PPP2R2C: variants seen among roughly 807,000 people sequenced by gnomAD.
The protein encoded by PPP2R2C is protein phosphatase 2 regulatory subunit Bgamma.
PPP2R2C carries 10 observed loss-of-function variants against 45.3 expected under a neutral mutation model. That is an observed-to-expected ratio of 0.22 (90% CI 0.14 to 0.37). PPP2R2C has a LOEUF of 0.37. Among genes scored for constraint, PPP2R2C ranks in the 10% least tolerant of loss-of-function variants. The pLI, the probability that PPP2R2C is intolerant of heterozygous loss-of-function variation, is 1.00. For synonymous variants in PPP2R2C, 257 were observed against 245.4 expected (o/e 1.05, Z -0.44); for missense variants, 308 against 619.7 (o/e 0.50, Z 5.34).
chr4:6,452,128 G>A (rs922258200), intron 1 of PPP2R2C, among the ~76,000 whole-genome samples: 24 of 152,120 alleles, frequency 1.6e-4, no homozygotes, highest in African/African-American at 5.8e-4. Context: ...TGGGGTCCCA[G>A]CCCCAAGAGC....
chr4:6,356,997 T>C (rs1166633717), intron 5 of PPP2R2C, among the ~76,000 whole-genome samples: 1 of 151,268 alleles, frequency 6.6e-6, no homozygotes. Flanking sequence ...CTCTGTGTCT[T>C]CTGAGGCTCA....
At chr4:6,348,519 C>G (rs1277777810) in intron 5 of PPP2R2C, 1 of 479,286 alleles carries the variant, frequency 2.1e-6, no homozygotes, top group Non-Finnish European at 2.7e-6. Flanking sequence ...CCTTCCTGCC[C>G]CCGGCACCTG....
At chr4:6,444,286 G>A (rs1449702810) in intron 1 of PPP2R2C, among the ~76,000 whole-genome samples, 2 of 152,200 alleles carry the variant, frequency 1.3e-5, no homozygotes, top group African/African-American at 4.8e-5. Flanking sequence ...CGGAGATCAG[G>A]GAGGCCTGGG....
intron 1 of PPP2R2C, 104 bp downstream of exon 1, chr4:6,472,056 G>A: frequency 7.4e-7 from 1 of 1,359,684 alleles, no homozygotes; most frequent in East Asian, 2.6e-5. Context: ...GGGGCGGGGG[G>A]ACACGACACA....
At chr4:6,372,412 A>G (rs980598188) in intron 5 of PPP2R2C, 111 bp downstream of exon 5, 1 of 1,202,550 alleles carries the variant, frequency 8.3e-7, no homozygotes, top group East Asian at 2.4e-5. Flanking sequence ...TGAAGAAGTT[A>G]AACAATGCAG....
intron 1 of PPP2R2C, among the ~76,000 whole-genome samples, chr4:6,453,187 G>A (rs1254830707): frequency 2.0e-5 from 3 of 152,128 alleles, no homozygotes; most frequent in Non-Finnish European, 4.4e-5. Flanking sequence ...GGATATTCTT[G>A]TCTCTGGCTT....
intron 2 of PPP2R2C, among the ~76,000 whole-genome samples, chr4:6,485,808 C>T (rs1236161516): frequency 6.6e-6 from 1 of 151,884 alleles, no homozygotes; most frequent in Admixed American, 6.6e-5. Flanking sequence ...TGATAAAAAT[C>T]TTAGATAACT....
chr4:6,505,357 G>A (rs1421457766), intron 2 of PPP2R2C, among the ~76,000 whole-genome samples: 1 of 152,186 alleles, frequency 6.6e-6, no homozygotes, highest in Non-Finnish European at 1.5e-5. Context: ...AAGAACACTG[G>A]AAATGGTAAA....
intron 1 of PPP2R2C, among the ~76,000 whole-genome samples, chr4:6,454,782 C>T (rs1577195666): frequency 2.6e-5 from 4 of 152,306 alleles, no homozygotes; most frequent in East Asian, 1.9e-4. Context: ...TGAGGCTCAG[C>T]GTCCTGATGT....
In PPP2R2C at chr4:6,381,054, C is replaced by G. The variant is rs761226047; in HGVS notation, c.111G>C (p.Glu37Asp). 3.1e-6 allele frequency: 5 copies of G among 1,587,976 alleles called. No individual in the cohort carries two copies. In the South Asian group the frequency reaches 5.8e-5, roughly 18 times the overall value. ...ISTVEFNHTG[E>D]LLATGDKGGR... is the part of the protein sequence containing the mutation. The stretch of plus-strand genomic sequence containing the variant: ...CGCCCTTGTCACCTGTGGCCAGCAG[C>G]TCTCCCGTGTGGTTGAACTCAACGG... The change falls in exon 2 of 9, where the codon GAG becomes GAC. Residue 37 changes from glutamate (E) to aspartate (D), a missense_variant. Coordinates refer to ENST00000382599, the MANE Select transcript of PPP2R2C (RefSeq NM_020416.4).
chr4:6,405,723 C>T (rs1010148954), intron 1 of PPP2R2C, among the ~76,000 whole-genome samples: 3 of 152,148 alleles, frequency 2.0e-5, no homozygotes, highest in Non-Finnish European at 4.4e-5. Context: ...GACATGACAA[C>T]ATCACGAAAA....
chr4:6,340,203 C>T (rs902868281), intron 6 of PPP2R2C, among the ~76,000 whole-genome samples: 4 of 152,146 alleles, frequency 2.6e-5, no homozygotes, highest in African/African-American at 9.7e-5. Flanking sequence ...AGGCCCGGCA[C>T]GCTCTCCCCT....
chr4:6,456,501 C>T (rs1184171460), intron 1 of PPP2R2C, among the ~76,000 whole-genome samples: 2 of 152,192 alleles, frequency 1.3e-5, no homozygotes, highest in Non-Finnish European at 2.9e-5. Context: ...AGCCTTACCT[C>T]TCCTTGGGGC....
intron 2 of PPP2R2C, among the ~76,000 whole-genome samples, chr4:6,507,902 G>C (rs1190982695): frequency 6.6e-6 from 1 of 152,174 alleles, no homozygotes; most frequent in Non-Finnish European, 1.5e-5. Context: ...GAACATGATT[G>C]CTGAAATACC....
chr4:6,383,646 C>G, intron 1 of PPP2R2C: 1 of 503,362 alleles, frequency 2.0e-6, no homozygotes, highest in South Asian at 2.1e-5. Context: ...ACCCCAGCAC[C>G]CTCATACAGG....
chr4:6,463,578 C>T (rs1444183521), intron 1 of PPP2R2C, among the ~76,000 whole-genome samples: 2 of 152,244 alleles, frequency 1.3e-5, no homozygotes, highest in Admixed American at 1.3e-4. Context: ...CACAGGGGCC[C>T]CCAGGTGTGT....
rs907040347 is a variant in PPP2R2C, at chr4:6,331,192, T to C, written c.961-1839A>G. Among the ~76,000 whole-genome samples the C allele has an allele frequency of 1.3e-5, 2 of 152,220 alleles. No individual in the cohort carries two copies. Among genetic ancestry groups the C allele is most frequent in the Non-Finnish European group, 2.9e-5 (2 of 68,046 alleles). On this transcript the variant is annotated intron_variant, in intron 7 of 8. Transcript: ENST00000382599. This position sits in a 1 kb window ranked among gnomAD's most constrained non-coding sequence, Gnocchi z 5.9. ...GATGCACGCGTCCAAATGCGCATGC[T>C]GTTCTCTCTGCCGTGCACTAAGCAT... is the stretch of plus-strand genomic sequence containing the variant.
In PPP2R2C at chr4:6,329,557, A is replaced by G. The variant is rs534683482; in HGVS notation, c.961-204T>C. Among the ~76,000 whole-genome samples, 16 of 151,680 alleles carry G rather than the reference A, an allele frequency of 1.1e-4. No individual in the cohort carries two copies. The highest frequency in any genetic ancestry group is 3.4e-4 in the African/African-American group (14 of 41,224). On this transcript the variant is annotated intron_variant, in intron 7 of 8. Transcript: ENST00000382599. The surrounding 1 kb of genome is among the most constrained non-coding windows in gnomAD (Gnocchi z 5.8). ...CATCGGGAGGCCCATGACCAGGCAC[A>G]CGGCTGACCCCGACCGTGACACAGC...
chr4:6,337,112 G>GTGTGTGTGTATATATATATA (rs1202845732), intron 6 of PPP2R2C, among the ~76,000 whole-genome samples: 1 of 30,102 alleles, frequency 3.3e-5, no homozygotes, highest in African/African-American at 1.0e-4. Context: ...ATGTGTGTGT[G>GTGTGTGTGTATATATATATA]TATATATATA....
Sources: gnomAD v4.1 joint callset for allele counts (sites outside exome capture counted in the v4.1 genomes callset) on GRCh38, gnomAD v4.1.1 for gene constraint, Gnocchi (gnomAD v3.1) non-coding constraint, MANE v1.5 for transcripts, NCBI Gene and HGNC (gene_info 2026-07-23, HGNC 2026-07-21) for gene names.